Variants in SPOCK3 observed in about 807,000 individuals in gnomAD.
SPOCK3 encodes SPARC (osteonectin), cwcv and kazal like domains proteoglycan 3.
Under a neutral mutation model 56.6 loss-of-function variants are expected in SPOCK3, and 30 were observed. The ratio of observed to expected loss-of-function variants is 0.53; its 90% CI spans 0.40 to 0.72. The LOEUF is 0.72. Ranked by LOEUF, SPOCK3 falls within the 30% of genes least tolerant of loss-of-function variation. SPOCK3 has a pLI of 0.00. For synonymous variants in SPOCK3, 196 were observed against 183.3 expected (o/e 1.07, Z -0.56); for missense variants, 527 against 530.0 (o/e 0.99, Z 0.06).
chr4:167,095,143 G>A lies in SPOCK3; in HGVS notation c.190-32606C>T, dbSNP rs530915231. On this transcript the variant is annotated intron_variant, in intron 2 of 10. Coordinates refer to ENST00000357545, the MANE Select transcript of SPOCK3 (RefSeq NM_001040159.2). The stretch of plus-strand genomic sequence containing the variant: ...CAATCTGCTTTACTCAGTTTATCAT[G>A]CAAATGTTAATCTTATTCAGAAACA... Among the ~76,000 whole-genome samples the A allele has an allele frequency of 2.1e-3, 321 of 152,138 alleles. 2 individuals are homozygous for A. The highest frequency in any genetic ancestry group is 3.0e-3 in the Non-Finnish European group (201 of 67,968).
At chr4:167,161,586 C>T (rs1396337613) in intron 2 of SPOCK3, among the ~76,000 whole-genome samples, 2 of 152,130 alleles carry the variant, frequency 1.3e-5, no homozygotes, top group African/African-American at 4.8e-5. Context: ...AAGGCACACG[C>T]TCACGTATGG....
intron 2 of SPOCK3, among the ~76,000 whole-genome samples, chr4:167,154,423 G>C (rs1042418363): frequency 6.6e-6 from 1 of 151,996 alleles, no homozygotes; most frequent in African/African-American, 2.4e-5. Context: ...GTCAGCAACC[G>C]AGAAAAAATG....
At chr4:166,755,241 G>A (rs1399418662) in intron 7 of SPOCK3, among the ~76,000 whole-genome samples, 1 of 152,044 alleles carries the variant, frequency 6.6e-6, no homozygotes, top group African/African-American at 2.4e-5. Flanking sequence ...ACATAAACCT[G>A]TTGACCAGAG....
At chr4:167,065,052 A>AAAAAAAAAAAAAC (rs1755988210) in intron 2 of SPOCK3, among the ~76,000 whole-genome samples, 1 of 150,238 alleles carries the variant, frequency 6.7e-6, no homozygotes, top group African/African-American at 2.5e-5. Flanking sequence ...AAAAAAAAAA[A>AAAAAAAAAAAAAC]AAAAAAAAGT....
chr4:167,198,890 T>C (rs1733227350), intron 2 of SPOCK3, among the ~76,000 whole-genome samples: 1 of 152,140 alleles, frequency 6.6e-6, no homozygotes, highest in African/African-American at 2.4e-5. Flanking sequence ...CTATAATATA[T>C]GATTCTTAAG....
chr4:166,804,460 A>G (rs1742943269), intron 6 of SPOCK3, among the ~76,000 whole-genome samples: 1 of 152,076 alleles, frequency 6.6e-6, no homozygotes, highest in Admixed American at 6.6e-5. Flanking sequence ...GATTCAACAT[A>G]TGATGCAATT....
chr4:166,847,860 T>C (rs193069001), intron 6 of SPOCK3, among the ~76,000 whole-genome samples: 1 of 151,810 alleles, frequency 6.6e-6, no homozygotes, highest in Non-Finnish European at 1.5e-5. Flanking sequence ...GTTTTGATAA[T>C]TCAGATGTCA....
chr4:167,179,017 G>T (rs1042649039), intron 2 of SPOCK3, among the ~76,000 whole-genome samples: 28 of 152,184 alleles, frequency 1.8e-4, no homozygotes, highest in African/African-American at 6.3e-4. Flanking sequence ...TTCTTTTCCA[G>T]AATTATTTTT....
chr4:166,867,296 G>C (rs1731949083), intron 6 of SPOCK3, among the ~76,000 whole-genome samples: 1 of 151,926 alleles, frequency 6.6e-6, no homozygotes. Flanking sequence ...TAAAGTGATG[G>C]AAGTTATTTT....
At chr4:167,205,603 T>C (rs1294996738) in intron 2 of SPOCK3, among the ~76,000 whole-genome samples, 2 of 107,586 alleles carry the variant, frequency 1.9e-5, no homozygotes, top group African/African-American at 3.6e-5. Flanking sequence ...TTTTCTATAA[T>C]ATATATAAAA....
chr4:167,130,047 G>A (rs1334137792), intron 2 of SPOCK3, among the ~76,000 whole-genome samples: 2 of 152,182 alleles, frequency 1.3e-5, no homozygotes, highest in East Asian at 3.9e-4. Context: ...ATAGGATCTT[G>A]CTCTGTCACC....
At chr4:167,078,083 T>C (rs1315906151) in intron 2 of SPOCK3, among the ~76,000 whole-genome samples, 1 of 151,798 alleles carries the variant, frequency 6.6e-6, no homozygotes, top group East Asian at 1.9e-4. Flanking sequence ...TGTTAAACCT[T>C]CCTTAGTTTG....
intron 2 of SPOCK3, among the ~76,000 whole-genome samples, chr4:167,129,559 C>T (rs1762543936): frequency 6.6e-6 from 1 of 151,814 alleles, no homozygotes; most frequent in Non-Finnish European, 1.5e-5. Flanking sequence ...TTCAGACATT[C>T]TGTTTCTTTC....
intron 2 of SPOCK3, among the ~76,000 whole-genome samples, chr4:167,088,548 A>G (rs1580254304): frequency 7.0e-6 from 1 of 142,140 alleles, no homozygotes; most frequent in African/African-American, 2.7e-5. Flanking sequence ...CACTACAACC[A>G]CCGCCTCCCA....
intron 2 of SPOCK3, among the ~76,000 whole-genome samples, chr4:167,199,225 TTGTGTG>T (rs58765976): frequency 0.015 from 2,150 of 142,032 alleles, 31 homozygotes; most frequent in African/African-American, 0.036. Context: ...AAATATTTGT[TTGTGTG>T]TGTGTGTGTG....
rs1308039171 is a variant in SPOCK3, at chr4:166,733,883, A to AT, written c.*1037dup. ...TAATCTGTTAATTAGGTGTGCTTAT[A>AT]TATTGCGTAATATACTATATTGGTA... is the stretch of plus-strand genomic sequence containing the variant. On this transcript the variant is annotated 3_prime_UTR_variant, in exon 11 of 11. Coordinates refer to ENST00000357545, the MANE Select transcript of SPOCK3 (RefSeq NM_001040159.2). 1.9e-4 allele frequency: 29 copies of AT among 152,260 alleles called. No homozygotes were observed. Among genetic ancestry groups the AT allele is most frequent in the African/African-American group, 6.8e-4 (28 of 41,424 alleles). 9.4% of individuals were successfully genotyped at this position (152,260 alleles called of 1,614,324 possible).
chr4:166,786,498 A>C (rs1740742368), intron 7 of SPOCK3, among the ~76,000 whole-genome samples: 1 of 152,192 alleles, frequency 6.6e-6, no homozygotes, highest in African/African-American at 2.4e-5. Context: ...CTGGATCATG[A>C]GATTAGGAAA....
At chr4:166,989,766 G>A (rs535316474) in intron 4 of SPOCK3, among the ~76,000 whole-genome samples, 2 of 152,052 alleles carry the variant, frequency 1.3e-5, no homozygotes, top group Non-Finnish European at 2.9e-5. Flanking sequence ...TATTAATCAG[G>A]ATAATGATAG....
intron 4 of SPOCK3, among the ~76,000 whole-genome samples, chr4:166,929,936 G>C (rs1182288565): frequency 6.6e-6 from 1 of 152,074 alleles, no homozygotes; most frequent in East Asian, 1.9e-4. Context: ...AAATGTAGTG[G>C]TCTTTACTTA....
Sources: allele counts gnomAD v4.1 joint callset (sites outside exome capture counted in the v4.1 genomes callset), GRCh38; gene constraint gnomAD v4.1.1; transcripts MANE v1.5; gene names NCBI Gene and HGNC (gene_info 2026-07-23, HGNC 2026-07-21).